TMCO5A: variants seen among roughly 807,000 people sequenced by gnomAD.
TMCO5A encodes the protein transmembrane and coiled-coil domain-containing protein 5A.
In TMCO5A, 34 loss-of-function variants were observed where a neutral mutation model predicts 42.3. The ratio of observed to expected loss-of-function variants is 0.80; its 90% confidence interval spans 0.61 to 1.07. The LOEUF is 1.07. Ranked by LOEUF, TMCO5A falls within the 50% of genes least tolerant of loss-of-function variation. TMCO5A has a pLI of 0.00. For missense variants in TMCO5A, 357 were observed against 327.9 expected, an observed-to-expected ratio of 1.09 and a Z score of -0.69; for synonymous variants, 131 against 115.6, an observed-to-expected ratio of 1.13 and a Z score of -0.86.
chr15:37,955,650 A>G (rs1890269247), downstream of TMCO5A, among the ~76,000 whole-genome samples: 1 of 152,174 alleles, frequency 6.6e-6, no homozygotes, highest in African/African-American at 2.4e-5. Context: ...ATAGTGGAAG[A>G]CTTTAACATC....
At chr15:37,935,070 G>A (rs1889465622) in intron 1 of TMCO5A, among the ~76,000 whole-genome samples, 187 bp from the exon 2 acceptor site, 1 of 152,138 alleles carries the variant, frequency 6.6e-6, no homozygotes, top group South Asian at 2.1e-4. Flanking sequence ...CTTTAATAGG[G>A]TATAATCAGA....
chr15:38,010,847 G>A, the TMCO5A span, among the ~76,000 whole-genome samples: 1 of 152,108 alleles, frequency 6.6e-6, no homozygotes, highest in Admixed American at 6.5e-5. Context: ...CCGTCTCCCA[G>A]GTTCAAGTGA....
chr15:37,986,182 G>C, the TMCO5A span, among the ~76,000 whole-genome samples: 3 of 152,000 alleles, frequency 2.0e-5, no homozygotes, highest in Non-Finnish European at 4.4e-5. Context: ...TTAAAGAGAG[G>C]CTTGCACATA....
chr15:38,039,914 C>CACATTCTCATCAA, the TMCO5A span: 5 of 152,340 alleles, frequency 3.3e-5, no homozygotes, highest in Non-Finnish European at 1.5e-5. Context: ...TTAGCTGGGC[C>CACATTCTCATCAA]ACATTCTCAT....
Position 37,938,222 on chromosome 15 carries a change from A to G in TMCO5A, c.380A>G (p.Glu127Gly). 1.3e-6 allele frequency: 2 copies of G among 1,560,524 alleles called. No homozygotes were observed. The highest frequency in any genetic ancestry group is 1.7e-6 in the Non-Finnish European group (2 of 1,155,888). The change falls in exon 6 of 12, where the codon GAG becomes GGG. Residue 127 changes from glutamate (E) to glycine (G), a missense_variant. By Grantham distance (98) the Glu-to-Gly change is moderately conservative. Transcript: ENST00000319669. Reference sequence around the variant, plus strand: ...AGCAGTCCAGATGGAGCCCTAGAAGAGACAAAGGTAAATGAAAAAAACAAT... The same window carrying G: ...AGCAGTCCAGATGGAGCCCTAGAAGGGACAAAGGTAAATGAAAAAAACAAT... ...EQSSPDGALE[E>G]TKVKLQQLEA...
chr15:37,973,672 A>G, the TMCO5A span, among the ~76,000 whole-genome samples: 3 of 152,276 alleles, frequency 2.0e-5, 1 homozygote, highest in South Asian at 4.2e-4. Flanking sequence ...CTGGGCTGAG[A>G]CTATGGGGTT....
At chr15:38,002,220 T>A in the TMCO5A span, among the ~76,000 whole-genome samples, 1 of 151,844 alleles carries the variant, frequency 6.6e-6, no homozygotes, top group South Asian at 2.1e-4. Flanking sequence ...TTTTTTTTTT[T>A]CCTTCTGCAT....
intron 11 of TMCO5A, among the ~76,000 whole-genome samples, chr15:37,966,342 G>A (rs141187536): frequency 1.0e-3 from 153 of 151,914 alleles, no homozygotes; most frequent in Middle Eastern, 3.4e-3. Flanking sequence ...GACTATCATC[G>A]ATAACAATTT....
At chr15:37,976,083 A>C in the TMCO5A span, among the ~76,000 whole-genome samples, 1 of 151,530 alleles carries the variant, frequency 6.6e-6, no homozygotes. Flanking sequence ...GTGTCTACCA[A>C]TAATACAAAA....
the TMCO5A span, among the ~76,000 whole-genome samples, chr15:37,975,247 TG>T: frequency 6.6e-6 from 1 of 152,198 alleles, no homozygotes; most frequent in Non-Finnish European, 1.5e-5. Flanking sequence ...GTTAAGTGTA[TG>T]TTAGGCCCAT....
the TMCO5A span, chr15:37,993,359 GTTTGCTAATTTGGGTTTTT>G: frequency 1.4e-5 from 2 of 143,938 alleles, no homozygotes; most frequent in Admixed American, 1.4e-4. Flanking sequence ...CTTCCCCAGG[GTTTGCTAATTTGGGTTTTT>G]TTTTTTATTT....
chr15:38,016,271 A>T, the TMCO5A span, among the ~76,000 whole-genome samples: 2 of 152,212 alleles, frequency 1.3e-5, no homozygotes, highest in African/African-American at 4.8e-5. Context: ...GAAATGAAAA[A>T]GGAATTTATA....
chr15:37,986,515 C>T, the TMCO5A span, among the ~76,000 whole-genome samples: 8 of 151,510 alleles, frequency 5.3e-5, no homozygotes, highest in Admixed American at 2.0e-4. Context: ...GCATTAAGTA[C>T]ATTCACACTT....
At chr15:37,941,119 C>T in intron 6 of TMCO5A, 30 bp from the exon 7 acceptor site, 1 of 1,611,432 alleles carries the variant, frequency 6.2e-7, no homozygotes, top group East Asian at 2.2e-5. Context: ...TTTACCTTGC[C>T]AAGTTAGCAG....
the TMCO5A span, among the ~76,000 whole-genome samples, chr15:37,973,138 T>C: frequency 6.7e-6 from 1 of 148,912 alleles, no homozygotes; most frequent in South Asian, 2.1e-4. Context: ...AGTCTATGTG[T>C]TTTTATTTTC....
chr15:38,033,212 A>G, the TMCO5A span, among the ~76,000 whole-genome samples: 1 of 152,008 alleles, frequency 6.6e-6, no homozygotes, highest in African/African-American at 2.4e-5. Context: ...ACCCTTCTGC[A>G]CTCTCTCTTT....
the TMCO5A span, among the ~76,000 whole-genome samples, chr15:38,008,174 C>T: frequency 3.8e-4 from 58 of 151,422 alleles, no homozygotes; most frequent in Middle Eastern, 3.6e-3. Flanking sequence ...AGATTACAGG[C>T]GTGAGCCACC....
chr15:38,021,787 T>A, the TMCO5A span, among the ~76,000 whole-genome samples: 3 of 151,760 alleles, frequency 2.0e-5, no homozygotes, highest in Non-Finnish European at 2.9e-5. Context: ...AACTATAACA[T>A]CTTTGGAAGG....
chr15:37,982,613 T>C, the TMCO5A span, among the ~76,000 whole-genome samples: 1 of 85,838 alleles, frequency 1.2e-5, no homozygotes, highest in Non-Finnish European at 2.1e-5. Context: ...AATATATAAT[T>C]ATATATTATA....
Sources: allele counts gnomAD v4.1 joint callset (sites outside exome capture counted in the v4.1 genomes callset), GRCh38; gene constraint gnomAD v4.1.1; transcripts MANE v1.5; gene names NCBI Gene and HGNC (gene_info 2026-07-23, HGNC 2026-07-21).